The following COBL variants were observed in gnomAD, a reference collection of about 807,000 sequenced individuals.
The protein encoded by COBL is protein cordon-bleu.
COBL carries 51 observed loss-of-function variants against 98.8 expected under a neutral mutation model. That is an observed-to-expected ratio of 0.52 (90% CI 0.41 to 0.65). COBL has a LOEUF of 0.65. COBL is among the 30% of genes least tolerant of loss of function. The pLI, the probability that COBL is intolerant of heterozygous loss-of-function variation, is 0.00. For synonymous variants in COBL, 634 were observed against 651.7 expected, an observed-to-expected ratio of 0.97 and a Z score of 0.41; for missense variants, 1,617 against 1,617.5, an observed-to-expected ratio of 1.00 and a Z score of 0.01.
chr7:51,312,703 GC>G (rs1803174496), intron 1 of COBL, among the ~76,000 whole-genome samples: 1 of 152,058 alleles, frequency 6.6e-6, no homozygotes, highest in Non-Finnish European at 1.5e-5. Flanking sequence ...ATACGTGGGG[GC>G]TGTCGCTCTG....
At chr7:51,157,742 C>T (rs539299016) in intron 5 of COBL, among the ~76,000 whole-genome samples, 272 of 152,162 alleles carry the variant, frequency 1.8e-3, no homozygotes, top group Non-Finnish European at 2.7e-3. Flanking sequence ...TATATGGTGA[C>T]TATAACTACT....
intron 1 of COBL, chr7:51,259,776 G>A (rs935732080): frequency 5.3e-6 from 4 of 749,742 alleles, no homozygotes; most frequent in South Asian, 1.3e-5. Flanking sequence ...TCCACTATGG[G>A]CAGCATTTTT....
At chr7:51,173,478 T>C (rs1166969764) in intron 5 of COBL, among the ~76,000 whole-genome samples, 2 of 152,200 alleles carry the variant, frequency 1.3e-5, no homozygotes, top group African/African-American at 2.4e-5. Flanking sequence ...CCACCGCTCC[T>C]GGCCCAAGGA....
At chr7:51,066,802 T>C (rs544388690) in intron 7 of COBL, among the ~76,000 whole-genome samples, 5 of 152,282 alleles carry the variant, frequency 3.3e-5, no homozygotes, top group African/African-American at 1.2e-4. Context: ...ACCTCCTTCA[T>C]GGCAAGGTGC....
chr7:51,261,718 G>A (rs534182927), intron 1 of COBL, among the ~76,000 whole-genome samples: 50 of 152,252 alleles, frequency 3.3e-4, no homozygotes, highest in African/African-American at 9.4e-4. Context: ...TGTAGTCCCA[G>A]CACTTTGAGA....
intron 5 of COBL, among the ~76,000 whole-genome samples, chr7:51,160,137 C>T (rs1786642374): frequency 6.6e-6 from 1 of 152,152 alleles, no homozygotes. Context: ...GGTGATCCAC[C>T]CACCTCGGCC....
At chr7:51,111,951 T>C (rs1205396667) in intron 6 of COBL, among the ~76,000 whole-genome samples, 1 of 152,230 alleles carries the variant, frequency 6.6e-6, no homozygotes, top group Non-Finnish European at 1.5e-5. Context: ...TATGGTAAAG[T>C]GTGTTCCTAG....
intron 7 of COBL, among the ~76,000 whole-genome samples, chr7:51,046,261 G>A (rs1256927132): frequency 6.6e-6 from 1 of 152,156 alleles, no homozygotes; most frequent in East Asian, 1.9e-4. Flanking sequence ...AGTATAGGGT[G>A]GGGCAGGGTG....
intron 6 of COBL, among the ~76,000 whole-genome samples, chr7:51,114,768 C>T (rs866039985): frequency 2.6e-5 from 4 of 152,302 alleles, no homozygotes; most frequent in Middle Eastern, 3.4e-3. Context: ...TACCCTGTTA[C>T]GTCACTCTTA....
intron 5 of COBL, among the ~76,000 whole-genome samples, chr7:51,161,248 G>C (rs991756847): frequency 6.6e-6 from 1 of 152,160 alleles, no homozygotes; most frequent in South Asian, 2.1e-4. Flanking sequence ...CATGCTTTGG[G>C]CCGCATTTGC....
At chr7:51,214,272 A>T (rs866752582) in intron 2 of COBL, among the ~76,000 whole-genome samples, 1 of 140,218 alleles carries the variant, frequency 7.1e-6, no homozygotes, top group South Asian at 2.4e-4. Context: ...TCATCTATTA[A>T]AAATAAATAA....
At chr7:51,220,891 G>A (rs943314077) in intron 1 of COBL, among the ~76,000 whole-genome samples, 3 of 152,036 alleles carry the variant, frequency 2.0e-5, no homozygotes, top group Non-Finnish European at 4.4e-5. Context: ...GTTTTATACA[G>A]GTACCTTATT....
At chr7:51,276,345 T>C (rs1300557839) in intron 1 of COBL, among the ~76,000 whole-genome samples, 1 of 152,188 alleles carries the variant, frequency 6.6e-6, no homozygotes, top group Non-Finnish European at 1.5e-5. Flanking sequence ...AGCCCTGTCC[T>C]GGGGTTCCTT....
intron 5 of COBL, among the ~76,000 whole-genome samples, chr7:51,176,687 C>CT (rs1289985429): frequency 6.6e-6 from 1 of 152,186 alleles, no homozygotes; most frequent in African/African-American, 2.4e-5. Flanking sequence ...GACAGATAAA[C>CT]TTTAACTTGT....
chr7:51,283,995 A>G (rs1800045592), intron 1 of COBL, among the ~76,000 whole-genome samples: 1 of 151,944 alleles, frequency 6.6e-6, no homozygotes. Flanking sequence ...GCAATATATA[A>G]AAAGAATAGG....
At chr7:51,052,482 CTT>C (rs1430141461) in intron 7 of COBL, among the ~76,000 whole-genome samples, 1 of 152,250 alleles carries the variant, frequency 6.6e-6, no homozygotes, top group East Asian at 1.9e-4. Flanking sequence ...ACCTTCAGTC[CTT>C]TTTTACACAT....
chr7:51,311,975 A>C (rs1414287368), intron 1 of COBL, among the ~76,000 whole-genome samples: 1 of 152,084 alleles, frequency 6.6e-6, no homozygotes, highest in African/African-American at 2.4e-5. Flanking sequence ...AAACCTTCAT[A>C]ATTAAATGTG....
At chr7:51,308,665 A>G (rs1802713569) in intron 1 of COBL, among the ~76,000 whole-genome samples, 2 of 152,028 alleles carry the variant, frequency 1.3e-5, no homozygotes, top group Non-Finnish European at 2.9e-5. Flanking sequence ...CAACTTGCCT[A>G]CCTCCTCCAA....
intron 2 of COBL, among the ~76,000 whole-genome samples, chr7:51,208,100 G>A (rs931791201): frequency 6.0e-5 from 9 of 149,654 alleles, no homozygotes; most frequent in Admixed American, 6.0e-4. Context: ...TGGAATGTGA[G>A]GAGCGCCTCT....
Sources: gnomAD v4.1 joint callset for allele counts (sites outside exome capture counted in the v4.1 genomes callset) on GRCh38, gnomAD v4.1.1 for gene constraint, MANE v1.5 for transcripts, NCBI Gene and HGNC (gene_info 2026-07-23, HGNC 2026-07-21) for gene names.